Variants in EXTL3 observed in about 807,000 individuals in gnomAD.
EXTL3 encodes the protein exostosin like glycosyltransferase 3, also known as exostosin-like 3.
A neutral mutation model predicts 69.3 loss-of-function variants in EXTL3; 27 were observed. The observed-to-expected ratio is 0.39, with a 90% confidence interval of 0.29 to 0.54. The LOEUF (loss-of-function observed/expected upper bound fraction) is 0.54, where lower values mean the gene tolerates loss of function less well. Among genes scored for constraint, EXTL3 ranks in the 20% least tolerant of loss-of-function variants. The pLI is 0.69. For synonymous variants in EXTL3, 511 were observed against 499.4 expected, an observed-to-expected ratio of 1.02 and a Z score of -0.31; for missense variants, 1,003 against 1,231.8, an observed-to-expected ratio of 0.81 and a Z score of 2.78.
intron 1 of EXTL3, among the ~76,000 whole-genome samples, chr8:28,693,911 T>TG (rs1330869628): frequency 1.3e-5 from 2 of 152,260 alleles, no homozygotes; most frequent in African/African-American, 4.8e-5. Flanking sequence ...TCTTGAATAG[T>TG]GGCTGTCAGC....
In EXTL3 at chr8:28,743,300, A is replaced by C. The variant is rs985121104; in HGVS notation, c.2550+86A>C. 4 of 1,430,888 alleles carry C rather than the reference A, an allele frequency of 2.8e-6. No individual in the cohort carries two copies. The Admixed American group carries it at 6.7e-5, about 24-fold the overall frequency. The allele number at this position is 1,430,888 out of a possible 1,614,324, so 88.6% of individuals were successfully genotyped here. A position where few individuals can be genotyped will look rare whatever the true frequency, so the allele number is the denominator to read the frequency against. Reference sequence around the variant, plus strand: ...GTAGTGCAGCACGTAACTGCACTGTACCTCAGAGTCCTCATTTGTACAATA... The same window carrying C: ...GTAGTGCAGCACGTAACTGCACTGTCCCTCAGAGTCCTCATTTGTACAATA... On this transcript the variant is annotated intron_variant, in intron 6 of 6. Coordinates refer to ENST00000220562, the MANE Select transcript of EXTL3 (RefSeq NM_001440.4).
chr8:28,652,957 C>T (rs1806950981), intron 1 of EXTL3, among the ~76,000 whole-genome samples: 1 of 152,090 alleles, frequency 6.6e-6, no homozygotes, highest in Non-Finnish European at 1.5e-5. Flanking sequence ...CATAGGCTGA[C>T]CCACATTCAA....
In EXTL3 at chr8:28,716,954, G is replaced by A. The variant is rs1284977260; in HGVS notation, c.895G>A (p.Ala299Thr). 6.2e-7 allele frequency: 1 copy of A among 1,614,066 alleles called. No homozygotes were observed. The highest frequency in any genetic ancestry group is 8.5e-7 in the Non-Finnish European group (1 of 1,180,040). ...YNVSTGRAMV[A>T]QSTFYTVQYR... ...CGTCAGTACTGGCCGTGCCATGGTG[G>A]CCCAGTCCACCTTCTACACTGTCCA... Residue 299 changes from alanine to threonine, a missense_variant, in exon 3 of 7, where the codon GCC becomes ACC. Transcript: ENST00000220562. This position sits in a 1 kb window ranked among gnomAD's most constrained non-coding sequence, Gnocchi z 7.1.
downstream of EXTL3, among the ~76,000 whole-genome samples, chr8:28,756,272 G>C (rs951901880): frequency 1.6e-4 from 24 of 152,074 alleles, no homozygotes; most frequent in Non-Finnish European, 2.9e-5. Context: ...TCCATCCTCA[G>C]ACATAGCCAA....
chr8:28,744,315 T>G (rs1287389794), intron 6 of EXTL3, among the ~76,000 whole-genome samples: 3 of 152,240 alleles, frequency 2.0e-5, no homozygotes, highest in African/African-American at 7.2e-5. Context: ...GCATATTATT[T>G]AATTTTATGA....
At chr8:28,610,893 C>T (rs1225612596) in intron 2 of EXTL3, among the ~76,000 whole-genome samples, 1 of 152,132 alleles carries the variant, frequency 6.6e-6, no homozygotes, top group Admixed American at 6.6e-5. Flanking sequence ...CAGGCGCCTG[C>T]CACCACGCCT....
Position 28,716,381 on chromosome 8 carries a change from G to T in EXTL3, c.322G>T (p.Ala108Ser). Residue 108 changes from alanine (A) to serine (S), a missense_variant, in exon 3 of 7, where the codon GCC becomes TCC. Ala to Ser is a moderately conservative substitution (Grantham distance 99). This residue lies in a region of EXTL3 where 742 missense variants were observed against 815.4 expected (regional missense o/e 0.91). Transcript: ENST00000220562. This position sits in a 1 kb window ranked among gnomAD's most constrained non-coding sequence, Gnocchi z 7.1. ...AKRQELNSEI[A>S]KLNLKIEACK... is the part of the protein sequence containing the mutation. ...GCGCCAAGAGCTGAACAGCGAGATC[G>T]CCAAGCTGAATCTGAAGATCGAAGC... 6.2e-7 allele frequency: 1 copy of T among 1,613,796 alleles called. No homozygotes were observed. Among genetic ancestry groups the T allele is most frequent in the Non-Finnish European group, 8.5e-7 (1 of 1,179,976 alleles).
intron 2 of EXTL3, 130 bp downstream of exon 2, chr8:28,713,680 A>G: frequency 1.6e-6 from 1 of 620,620 alleles, no homozygotes; most frequent in East Asian, 2.8e-5. Context: ...AGAGATTTAA[A>G]CATTTGAATC....
chr8:28,626,282 C>T (rs1806490544), intron 1 of EXTL3, among the ~76,000 whole-genome samples: 2 of 151,996 alleles, frequency 1.3e-5, no homozygotes, highest in East Asian at 3.9e-4. Flanking sequence ...GACGGGGTCA[C>T]ACCATAAAAA....
At chr8:28,673,571 G>C (rs186761018) in intron 1 of EXTL3, among the ~76,000 whole-genome samples, 5 of 152,250 alleles carry the variant, frequency 3.3e-5, no homozygotes, top group Non-Finnish European at 7.4e-5. Context: ...GAGCTTTCCT[G>C]GGTCTCTGGC....
At chr8:28,673,647 CA>C (rs1388495589) in intron 1 of EXTL3, among the ~76,000 whole-genome samples, 1 of 152,172 alleles carries the variant, frequency 6.6e-6, no homozygotes, top group African/African-American at 2.4e-5. Context: ...TACAATTAAT[CA>C]ATCCCTCTCT....
chr8:28,702,847 G>T (rs1800840807), intron 1 of EXTL3, among the ~76,000 whole-genome samples: 1 of 152,080 alleles, frequency 6.6e-6, no homozygotes, highest in African/African-American at 2.4e-5. Context: ...TTTGTGTGTT[G>T]CAGCCATGCA....
At chr8:28,640,847 C>T (rs1278617860) in intron 1 of EXTL3, among the ~76,000 whole-genome samples, 2 of 152,210 alleles carry the variant, frequency 1.3e-5, no homozygotes, top group Non-Finnish European at 2.9e-5. Flanking sequence ...CGTGATCCTC[C>T]TGTCTCAGTC....
chr8:28,720,254 G>A (rs1266395511), intron 3 of EXTL3, among the ~76,000 whole-genome samples: 1 of 152,046 alleles, frequency 6.6e-6, no homozygotes, highest in African/African-American at 2.4e-5. Flanking sequence ...CCTCAGAGTG[G>A]GTTTTTCTTC....
intron 1 of EXTL3, among the ~76,000 whole-genome samples, chr8:28,677,801 T>A (rs892147306): frequency 6.6e-6 from 1 of 152,258 alleles, no homozygotes; most frequent in Non-Finnish European, 1.5e-5. Flanking sequence ...CTGCACACTC[T>A]GAGTTCAAGA....
At chr8:28,715,483 C>T (rs1483100757) in intron 2 of EXTL3, 102 bp from the exon 3 acceptor site, 1 of 153,854 alleles carries the variant, frequency 6.5e-6, no homozygotes, top group African/African-American at 2.4e-5. Context: ...AGTGTTCCAG[C>T]CATTGTTCCA....
At chr8:28,724,752 A>G (rs963103705) in intron 3 of EXTL3, among the ~76,000 whole-genome samples, 2 of 152,170 alleles carry the variant, frequency 1.3e-5, no homozygotes, top group African/African-American at 4.8e-5. Flanking sequence ...GTGAGCCGAG[A>G]TCGTGCCACT....
chr8:28,684,464 G>A (rs1321004189), intron 1 of EXTL3, among the ~76,000 whole-genome samples: 2 of 152,128 alleles, frequency 1.3e-5, no homozygotes, highest in East Asian at 3.9e-4. Flanking sequence ...CAGTGGGCAC[G>A]ATGCATGATG....
At chr8:28,749,984 C>T (rs936002234) in intron 6 of EXTL3, among the ~76,000 whole-genome samples, 1 of 152,200 alleles carries the variant, frequency 6.6e-6, no homozygotes, top group African/African-American at 2.4e-5. Flanking sequence ...CAGGTAATTT[C>T]ATTTCTTATT....
Sources: allele counts gnomAD v4.1 joint callset (sites outside exome capture counted in the v4.1 genomes callset), GRCh38; gene constraint gnomAD v4.1.1; regional missense constraint gnomAD v4.1.1; non-coding constraint Gnocchi (gnomAD v3.1); transcripts MANE v1.5; gene names NCBI Gene and HGNC (gene_info 2026-07-23, HGNC 2026-07-21).